The following CARD19 variants were observed in gnomAD, a reference collection of about 807,000 sequenced individuals.
CARD19 encodes caspase recruitment domain family member 19, also known as caspase recruitment domain-containing protein 19.
Under a neutral mutation model 24.1 loss-of-function variants are expected in CARD19, and 25 were observed. The ratio of observed to expected loss-of-function variants is 1.04; its 90% CI spans 0.76 to 1.45. The LOEUF (loss-of-function observed/expected upper bound fraction) is 1.45, where lower values mean the gene tolerates loss of function less well. Among genes scored for constraint, CARD19 ranks in the 40% most tolerant of loss-of-function variants. CARD19 has a pLI of 0.00. For synonymous variants in CARD19, 103 were observed against 104.9 expected (o/e 0.98, Z 0.11); for missense variants, 241 against 247.4 (o/e 0.97, Z 0.17).
intron 3 of CARD19, 168 bp downstream of exon 3, chr9:93,110,889 G>A (rs1178556081): frequency 7.8e-6 from 12 of 1,533,400 alleles, no homozygotes; most frequent in East Asian, 4.9e-5. Context: ...CTCTGGCCCC[G>A]AGGGGAGAGT....
chr9:93,111,203 T>C (rs1019283338), intron 3 of CARD19: 7 of 1,181,900 alleles, frequency 5.9e-6, no homozygotes, highest in Admixed American at 7.8e-5. Context: ...CAGGCACGGA[T>C]GGCTGGTCCG....
intron 3 of CARD19, 113 bp from the exon 4 acceptor site, chr9:93,111,766 G>C (rs967833529): frequency 1.6e-5 from 25 of 1,515,802 alleles, no homozygotes; most frequent in Non-Finnish European, 2.0e-5. Flanking sequence ...CCACAGCCTG[G>C]TTCGGCCTGG....
chr9:93,101,067 CATTTATTTATTT>C (rs36177473), intron 1 of CARD19, among the ~76,000 whole-genome samples: 39 of 150,956 alleles, frequency 2.6e-4, no homozygotes, highest in Admixed American at 1.2e-3. Flanking sequence ...TGAGTTCCTG[CATTTATTTATTT>C]ATTTATTTAT....
In CARD19 at chr9:93,096,415, G is replaced by GGGTC; in HGVS notation, c.7+64_7+67dup. ...GCCCTGGATGGGTGGCCCGGCCCGGGGGTCCGGCTGCCTTGCGAGTCGCCT... is the reference window on the plus strand; with the variant it reads ...GCCCTGGATGGGTGGCCCGGCCCGGGGGTCGGTCCGGCTGCCTTGCGAGTCGCCT... On this transcript the variant is annotated intron_variant, in intron 1 of 5. Transcript: ENST00000375464. This position sits in a 1 kb window ranked among gnomAD's most constrained non-coding sequence, Gnocchi z 5.4. The GGGTC allele has an allele frequency of 2.5e-6, 3 of 1,217,744 alleles. No individual in the cohort carries two copies. The highest frequency in any genetic ancestry group is 3.1e-6 in the Non-Finnish European group (3 of 977,178). The allele number at this position is 1,217,744 out of a possible 1,614,324, so 75.4% of individuals were successfully genotyped here. A position where few individuals can be genotyped will look rare whatever the true frequency, so the allele number is the denominator to read the frequency against.
chr9:93,112,314 G>A (rs1447118367), intron 5 of CARD19, 25 bp downstream of exon 5: 2 of 1,538,350 alleles, frequency 1.3e-6, no homozygotes, highest in East Asian at 2.4e-5. Flanking sequence ...ATCCTCATGG[G>A]GCTGGGCCTG....
In CARD19 at chr9:93,100,613, G is replaced by T. The variant is rs1427194037; in HGVS notation, c.7+4261G>T. Among the ~76,000 whole-genome samples, 6 of 152,308 alleles carry T rather than the reference G, an allele frequency of 3.9e-5. No individual in the cohort carries two copies. The East Asian group carries it at 1.2e-3, about 29-fold the overall frequency. On this transcript the variant is annotated intron_variant, in intron 1 of 5. Coordinates refer to ENST00000375464, the MANE Select transcript of CARD19 (RefSeq NM_032310.5). Reference sequence around the variant, plus strand: ...CCATTTTTTCAGTGTACACTTCAGTGATACTAAATACACTCACAGTGTTGT... The same window carrying T: ...CCATTTTTTCAGTGTACACTTCAGTTATACTAAATACACTCACAGTGTTGT...
At chr9:93,108,769 G>GCA (rs1827357849) in intron 2 of CARD19, among the ~76,000 whole-genome samples, 1 of 152,254 alleles carries the variant, frequency 6.6e-6, no homozygotes, top group Non-Finnish European at 1.5e-5. Context: ...ACATGGCCCT[G>GCA]GCCTCTCAGA....
At chr9:93,109,432 TTTCTC>T (rs1474714092) in intron 2 of CARD19, among the ~76,000 whole-genome samples, 2 of 151,828 alleles carry the variant, frequency 1.3e-5, no homozygotes, top group East Asian at 3.9e-4. Flanking sequence ...GAACCACACA[TTTCTC>T]TGTCATACAC....
In CARD19 at chr9:93,110,732, C is replaced by T. The variant is rs1187095891; in HGVS notation, c.304+11C>T. On this transcript the variant is annotated intron_variant, in intron 3 of 5. Transcript: ENST00000375464. ...GCCGCCACGCTCTGCGTAAGTTCCA[C>T]ATCACCAACCATGCATGCTTGGTGC... 1.2e-6 allele frequency: 2 copies of T among 1,607,354 alleles called. No homozygotes were observed. The highest frequency in any genetic ancestry group is 1.7e-5 in the Admixed American group (1 of 59,658).
At chr9:93,111,839 C>T (rs1827497722) in intron 3 of CARD19, 40 bp from the exon 4 acceptor site, 1 of 1,601,964 alleles carries the variant, frequency 6.2e-7, no homozygotes, top group Non-Finnish European at 8.5e-7. Flanking sequence ...CCCTCCGGCC[C>T]TGCCCGTTGA....
chr9:93,106,731 G>A (rs1013266775), intron 1 of CARD19, among the ~76,000 whole-genome samples: 12 of 151,942 alleles, frequency 7.9e-5, no homozygotes, highest in African/African-American at 2.7e-4. Context: ...GTGTTTTGTT[G>A]ATATTTTATA....
intron 1 of CARD19, among the ~76,000 whole-genome samples, chr9:93,097,041 T>A (rs1826896534): frequency 6.6e-6 from 1 of 152,142 alleles, no homozygotes; most frequent in South Asian, 2.1e-4. Context: ...CTGCCCACCA[T>A]CCTCCTGATC....
chr9:93,103,044 A>G (rs1006077215), intron 1 of CARD19, among the ~76,000 whole-genome samples: 2 of 152,224 alleles, frequency 1.3e-5, no homozygotes, highest in African/African-American at 4.8e-5. Context: ...GGTTTTCTAT[A>G]TATAAAATCA....
At chr9:93,101,640 A>G (rs11790871) in intron 1 of CARD19, among the ~76,000 whole-genome samples, 11,744 of 150,942 alleles carry the variant, frequency 0.078, 538 homozygotes, top group South Asian at 0.17. Context: ...GTGTTTCACC[A>G]TGTTAGTCAG....
chr9:93,098,038 C>A (rs570702177), intron 1 of CARD19, among the ~76,000 whole-genome samples: 1 of 152,260 alleles, frequency 6.6e-6, no homozygotes, highest in Non-Finnish European at 1.5e-5. Flanking sequence ...CGCCAGCCCT[C>A]GCTGTGAGCA....
intron 1 of CARD19, among the ~76,000 whole-genome samples, chr9:93,098,900 C>CTT (rs10693165): frequency 0.68 from 82,304 of 120,378 alleles, 29,308 homozygotes; most frequent in East Asian, 0.86. Flanking sequence ...TTGCAGAACT[C>CTT]TTTTTTTTTT....
intron 1 of CARD19, among the ~76,000 whole-genome samples, chr9:93,106,230 G>A (rs1827249130): frequency 6.6e-6 from 1 of 151,712 alleles, no homozygotes; most frequent in Admixed American, 6.6e-5. Context: ...TTTGTAGACA[G>A]CACTTAGTTG....
chr9:93,099,185 A>G (rs1423141892), intron 1 of CARD19, among the ~76,000 whole-genome samples: 1 of 152,026 alleles, frequency 6.6e-6, no homozygotes, highest in Non-Finnish European at 1.5e-5. Flanking sequence ...CGGCCTCCCA[A>G]AGTGCTGGGA....
At chr9:93,110,911 A>G (rs1827454798) in intron 3 of CARD19, 190 bp downstream of exon 3, 6 of 1,532,770 alleles carry the variant, frequency 3.9e-6, no homozygotes, top group Non-Finnish European at 5.2e-6. Flanking sequence ...TGGCAGGCAC[A>G]GGCAGTGCAG....
Sources: gnomAD v4.1 joint callset for allele counts (sites outside exome capture counted in the v4.1 genomes callset) on GRCh38, gnomAD v4.1.1 for gene constraint, Gnocchi (gnomAD v3.1) non-coding constraint, MANE v1.5 for transcripts, NCBI Gene and HGNC (gene_info 2026-07-23, HGNC 2026-07-21) for gene names.